Variants in HPSE2 observed in about 807,000 individuals in gnomAD.
HPSE2 encodes inactive heparanase-2.
A neutral mutation model predicts 60.5 loss-of-function variants in HPSE2; 38 were observed. That is an observed-to-expected ratio of 0.63 (90% CI 0.48 to 0.82). The LOEUF is 0.82. Among genes scored for constraint, HPSE2 ranks in the 40% least tolerant of loss-of-function variants. The pLI is 0.00. For synonymous variants in HPSE2, 295 were observed against 293.2 expected, an observed-to-expected ratio of 1.01 and a Z score of -0.06; for missense variants, 713 against 740.4, an observed-to-expected ratio of 0.96 and a Z score of 0.43.
chr10:99,229,222 G>C (rs1054295311), intron 2 of HPSE2, among the ~76,000 whole-genome samples: 5 of 150,814 alleles, frequency 3.3e-5, no homozygotes, highest in Non-Finnish European at 2.9e-5. Context: ...GGATTAACCA[G>C]AAAAGTGGAA....
intron 6 of HPSE2, among the ~76,000 whole-genome samples, chr10:98,666,425 C>T (rs1947363760): frequency 6.6e-6 from 1 of 152,094 alleles, no homozygotes; most frequent in Non-Finnish European, 1.5e-5. Flanking sequence ...AATTCTTGAC[C>T]AATTGGACCT....
chr10:99,033,553 C>T (rs554375600), intron 3 of HPSE2, among the ~76,000 whole-genome samples: 2 of 152,142 alleles, frequency 1.3e-5, no homozygotes, highest in African/African-American at 2.4e-5. Context: ...GAGGCTGAGG[C>T]GGGCATATCA....
At chr10:98,875,143 C>A (rs535474401) in intron 3 of HPSE2, among the ~76,000 whole-genome samples, 1 of 152,060 alleles carries the variant, frequency 6.6e-6, no homozygotes, top group South Asian at 2.1e-4. Context: ...CAAAGTGATC[C>A]AAAAGCTGTC....
the HPSE2 span, among the ~76,000 whole-genome samples, chr10:99,263,744 TCTC>T: frequency 2.0e-5 from 3 of 151,814 alleles, no homozygotes. Flanking sequence ...AAAAAAAAAA[TCTC>T]CTTCCAGCCT....
At chr10:99,015,752 G>A (rs969712856) in intron 3 of HPSE2, among the ~76,000 whole-genome samples, 1 of 152,030 alleles carries the variant, frequency 6.6e-6, no homozygotes, top group African/African-American at 2.4e-5. Flanking sequence ...ACACCAACAT[G>A]GCACATGTAT....
At chr10:99,074,567 C>T (rs1445783444) in intron 3 of HPSE2, among the ~76,000 whole-genome samples, 1 of 152,096 alleles carries the variant, frequency 6.6e-6, no homozygotes, top group African/African-American at 2.4e-5. Flanking sequence ...ATGCTAGCCT[C>T]ATAAATGGAC....
chr10:98,788,329 G>A (rs1950575114), intron 3 of HPSE2, among the ~76,000 whole-genome samples: 1 of 64,858 alleles, frequency 1.5e-5, no homozygotes, highest in Non-Finnish European at 4.5e-5. Context: ...CGTGCTGGGA[G>A]AACCACTGCT....
At chr10:98,815,752 C>T (rs1951271870) in intron 3 of HPSE2, among the ~76,000 whole-genome samples, 1 of 152,100 alleles carries the variant, frequency 6.6e-6, no homozygotes. Context: ...TTGTGTTGTG[C>T]TAACTTGGTT....
At chr10:98,586,535 A>G (rs985559157) in intron 9 of HPSE2, among the ~76,000 whole-genome samples, 2 of 152,212 alleles carry the variant, frequency 1.3e-5, no homozygotes, top group East Asian at 3.8e-4. Context: ...TTTAAATAGC[A>G]TTACTTTCCA....
At position 99,009,835 on chromosome 10, in the gene HPSE2, C is replaced by T. The variant is rs114927885; in HGVS notation, c.610+134403G>A. On this transcript the variant is annotated intron_variant, in intron 3 of 11. Coordinates refer to ENST00000370552, the MANE Select transcript of HPSE2 (RefSeq NM_021828.5). ...TGCAAAACAAAGACATTTAAAATAG[C>T]AACTACCATTAATTATCAACATCAT... is the stretch of plus-strand genomic sequence containing the variant. 4.4e-3 allele frequency among the ~76,000 whole-genome samples: 670 copies of T among 152,270 alleles called. 4 individuals are homozygous for T. The highest frequency in any genetic ancestry group is 0.015 in the African/African-American group (637 of 41,556).
chr10:99,043,587 T>C (rs902555412), intron 3 of HPSE2, among the ~76,000 whole-genome samples: 30 of 152,168 alleles, frequency 2.0e-4, no homozygotes, highest in Non-Finnish European at 4.3e-4. Context: ...CTCATCAAGA[T>C]TCAGGAGAAA....
intron 3 of HPSE2, among the ~76,000 whole-genome samples, chr10:98,802,138 G>A (rs1950923640): frequency 6.6e-6 from 1 of 151,878 alleles, no homozygotes; most frequent in African/African-American, 2.4e-5. Context: ...CATATATAGA[G>A]GAATAAAACT....
chr10:98,600,307 G>A (rs1287189550), intron 9 of HPSE2, among the ~76,000 whole-genome samples: 1 of 152,136 alleles, frequency 6.6e-6, no homozygotes, highest in Non-Finnish European at 1.5e-5. Flanking sequence ...TTTAGAAGCA[G>A]AAAAGAAAAC....
At chr10:98,486,382 G>T (rs1039268284) in intron 10 of HPSE2, among the ~76,000 whole-genome samples, 15 of 152,158 alleles carry the variant, frequency 9.9e-5, no homozygotes, top group Non-Finnish European at 1.5e-4. Flanking sequence ...TTCCTTTCAG[G>T]AGAGAAGTTG....
rs147150703 is a variant in HPSE2, at chr10:98,584,429, A to G, written c.1320+30475T>C. Among the ~76,000 whole-genome samples the G allele has an allele frequency of 2.0e-5, 3 of 152,314 alleles. No individual in the cohort carries two copies. In the East Asian group the frequency reaches 5.8e-4, roughly 29 times the overall value. On this transcript the variant is annotated intron_variant, in intron 9 of 11. Coordinates refer to ENST00000370552, the MANE Select transcript of HPSE2 (RefSeq NM_021828.5). The stretch of plus-strand genomic sequence containing the variant: ...ACCATTCCAATGTCTTCATCAATGT[A>G]GCTTTCCTATTCCAGAAAACTCCTG...
chr10:99,244,246 T>C, the HPSE2 span, among the ~76,000 whole-genome samples: 1 of 151,914 alleles, frequency 6.6e-6, no homozygotes, highest in African/African-American at 2.4e-5. Context: ...CTCAATCTCC[T>C]GACCTCGTGA....
At chr10:99,165,081 CA>C (rs56263581) in intron 2 of HPSE2, among the ~76,000 whole-genome samples, 4,466 of 65,668 alleles carry the variant, frequency 0.068, 119 homozygotes, top group African/African-American at 0.24. Context: ...GACTCGGTCT[CA>C]AAAAAAAAAA....
At chr10:98,858,353 G>T (rs1014737331) in intron 3 of HPSE2, among the ~76,000 whole-genome samples, 5 of 152,170 alleles carry the variant, frequency 3.3e-5, no homozygotes, top group Admixed American at 2.6e-4. Context: ...CCCCTGTGAA[G>T]CATGATTATT....
intron 9 of HPSE2, among the ~76,000 whole-genome samples, chr10:98,559,036 T>C (rs489611): frequency 0.39 from 60,010 of 151,952 alleles, 12,374 homozygotes; most frequent in East Asian, 0.53. Context: ...CTGTTGGTTC[T>C]TGTTTTTCTT....
Sources: gnomAD v4.1 joint callset for allele counts (sites outside exome capture counted in the v4.1 genomes callset) on GRCh38, gnomAD v4.1.1 for gene constraint, MANE v1.5 for transcripts, NCBI Gene and HGNC (gene_info 2026-07-23, HGNC 2026-07-21) for gene names.